Variants in CTNNA3 observed in about 807,000 individuals in gnomAD.
The protein encoded by CTNNA3 is catenin alpha 3.
Under a neutral mutation model 95.7 loss-of-function variants are expected in CTNNA3, and 76 were observed. That is an observed-to-expected ratio of 0.79 (90% CI 0.66 to 0.96). The LOEUF is 0.96. Ranked by LOEUF, CTNNA3 falls within the 40% of genes least tolerant of loss-of-function variation. CTNNA3 has a pLI of 0.00. For synonymous variants in CTNNA3, 431 were observed against 374.4 expected (o/e 1.15, Z -1.74); for missense variants, 1,191 against 1,089.8 (o/e 1.09, Z -1.31).
At chr10:67,476,945 C>T (rs375024405) in intron 5 of CTNNA3, among the ~76,000 whole-genome samples, 8 of 151,944 alleles carry the variant, frequency 5.3e-5, no homozygotes, top group East Asian at 3.9e-4. Context: ...CATCCTGAGC[C>T]GCCTCAGCCT....
intron 15 of CTNNA3, among the ~76,000 whole-genome samples, chr10:66,058,065 T>C (rs10509256): frequency 0.78 from 118,899 of 152,080 alleles, 46,932 homozygotes; most frequent in South Asian, 0.91. Context: ...TGTGCTACAA[T>C]ATTTAAATTG....
intron 9 of CTNNA3, among the ~76,000 whole-genome samples, chr10:66,737,675 T>C: frequency 6.6e-6 from 1 of 152,070 alleles, no homozygotes; most frequent in African/African-American, 2.4e-5. Flanking sequence ...TTTTTTTTTT[T>C]TTTGAGATGG....
intron 11 of CTNNA3, among the ~76,000 whole-genome samples, chr10:66,464,832 T>C (rs542661199): frequency 6.6e-6 from 1 of 152,018 alleles, no homozygotes; most frequent in Admixed American, 6.6e-5. Context: ...AATTTGTCTC[T>C]TACAGGCTAA....
At chr10:67,575,585 A>G (rs1842116125) in intron 3 of CTNNA3, among the ~76,000 whole-genome samples, 1 of 152,164 alleles carries the variant, frequency 6.6e-6, no homozygotes, top group Admixed American at 6.5e-5. Context: ...ATAGGAATTC[A>G]AGTGATCACC....
chr10:67,132,307 T>C (rs2132021443), intron 7 of CTNNA3, among the ~76,000 whole-genome samples: 1 of 152,182 alleles, frequency 6.6e-6, no homozygotes, highest in Admixed American at 6.6e-5. Context: ...TATGGAGGCA[T>C]CTATGAGATT....
At chr10:65,989,314 C>T (rs912831207) in intron 15 of CTNNA3, among the ~76,000 whole-genome samples, 2 of 151,952 alleles carry the variant, frequency 1.3e-5, no homozygotes, top group Admixed American at 1.3e-4. Context: ...TTTTTTAATG[C>T]CAGCCTATTG....
chr10:66,537,646 A>G (rs1435376271), intron 10 of CTNNA3, among the ~76,000 whole-genome samples: 1 of 151,142 alleles, frequency 6.6e-6, no homozygotes, highest in African/African-American at 2.4e-5. Flanking sequence ...ATAACAATGA[A>G]AACATTCACA....
chr10:66,358,467 A>T (rs1361403122), intron 12 of CTNNA3, among the ~76,000 whole-genome samples: 2 of 152,160 alleles, frequency 1.3e-5, no homozygotes, highest in African/African-American at 4.8e-5. Flanking sequence ...TTTAAGTATT[A>T]TGTCCAATGT....
chr10:66,591,967 C>G (rs557594749), intron 10 of CTNNA3, among the ~76,000 whole-genome samples: 20 of 152,080 alleles, frequency 1.3e-4, no homozygotes, highest in African/African-American at 4.8e-4. Context: ...TATTTGACCT[C>G]TCCCATGAAT....
intron 5 of CTNNA3, among the ~76,000 whole-genome samples, chr10:67,236,406 C>T (rs952479737): frequency 2.4e-4 from 35 of 148,606 alleles, no homozygotes; most frequent in Non-Finnish European, 4.6e-4. Flanking sequence ...CAAACTATCG[C>T]AAGAAGAAAA....
chr10:67,037,905 TCCAGGACAGAAAC>T, intron 7 of CTNNA3, among the ~76,000 whole-genome samples: 1 of 152,068 alleles, frequency 6.6e-6, no homozygotes, highest in Non-Finnish European at 1.5e-5. Flanking sequence ...TAAAAGAAGG[TCCAGGACAGAAAC>T]CCAGGAATAC....
chr10:66,183,817 T>C (rs2086178524), intron 13 of CTNNA3, among the ~76,000 whole-genome samples: 1 of 152,210 alleles, frequency 6.6e-6, no homozygotes. Flanking sequence ...CTTTTTATCA[T>C]TGATTGCCAT....
At chr10:66,549,963 T>G (rs1218494634) in intron 10 of CTNNA3, among the ~76,000 whole-genome samples, 2 of 152,206 alleles carry the variant, frequency 1.3e-5, no homozygotes, top group African/African-American at 4.8e-5. Flanking sequence ...TACTCTATTA[T>G]ACTAATAAGA....
intron 17 of CTNNA3, among the ~76,000 whole-genome samples, chr10:65,937,868 A>G (rs1186940755): frequency 6.6e-6 from 1 of 152,106 alleles, no homozygotes; most frequent in Non-Finnish European, 1.5e-5. Flanking sequence ...ACACTTTGCA[A>G]GCAGGTTTGG....
intron 9 of CTNNA3, among the ~76,000 whole-genome samples, chr10:66,689,027 A>G (rs1847412747): frequency 6.6e-6 from 1 of 151,994 alleles, no homozygotes. Context: ...TACCTAGAAG[A>G]ATACTTGACA....
intron 16 of CTNNA3, among the ~76,000 whole-genome samples, chr10:65,976,313 A>G (rs920363843): frequency 2.6e-5 from 4 of 152,172 alleles, no homozygotes; most frequent in African/African-American, 9.6e-5. Flanking sequence ...CCACTATACA[A>G]CTCTGATAAA....
chr10:66,722,652 C>G (rs979762270), intron 9 of CTNNA3, among the ~76,000 whole-genome samples: 8 of 151,370 alleles, frequency 5.3e-5, no homozygotes, highest in Non-Finnish European at 1.0e-4. Context: ...TTCCATTGAC[C>G]CTCCAACCAA....
chr10:66,958,250 A>C (rs1848926234), intron 7 of CTNNA3, among the ~76,000 whole-genome samples: 1 of 150,820 alleles, frequency 6.6e-6, no homozygotes, highest in African/African-American at 2.4e-5. Context: ...AGATTTAGCA[A>C]CTTAGCATTT....
At chr10:66,931,080 C>G (rs1354171784) in intron 7 of CTNNA3, among the ~76,000 whole-genome samples, 1 of 150,498 alleles carries the variant, frequency 6.6e-6, no homozygotes, top group Non-Finnish European at 1.5e-5. Flanking sequence ...TATCATAAAT[C>G]TATTTGTATA....
Sources: gnomAD v4.1 joint callset for allele counts (sites outside exome capture counted in the v4.1 genomes callset) on GRCh38, gnomAD v4.1.1 for gene constraint, MANE v1.5 for transcripts, NCBI Gene and HGNC (gene_info 2026-07-23, HGNC 2026-07-21) for gene names.